Variants in DNAH11 observed in about 807,000 individuals in gnomAD.
DNAH11 encodes dynein axonemal heavy chain 11.
In DNAH11, 442 loss-of-function variants were observed where a neutral mutation model predicts 526.0. The ratio of observed to expected loss-of-function variants is 0.84; its 90% CI spans 0.78 to 0.91. DNAH11 has a LOEUF of 0.91. Ranked by LOEUF, DNAH11 falls within the 40% of genes least tolerant of loss-of-function variation. DNAH11 has a pLI of 0.00. For missense variants in DNAH11, 6,989 were observed against 5,448.7 expected (o/e 1.28, Z -8.90); for synonymous variants, 2,461 against 1,935.9 (o/e 1.27, Z -7.12).
intron 30 of DNAH11, among the ~76,000 whole-genome samples, chr7:21,678,490 G>A (rs1322522112): frequency 6.6e-6 from 1 of 151,968 alleles, no homozygotes; most frequent in Non-Finnish European, 1.5e-5. Flanking sequence ...GAGATGTGAT[G>A]CCTCCAGCTT....
At chr7:21,820,681 C>T (rs902883553) in intron 65 of DNAH11, among the ~76,000 whole-genome samples, 3 of 152,086 alleles carry the variant, frequency 2.0e-5, no homozygotes, top group Non-Finnish European at 4.4e-5. Context: ...TGGTTGATCC[C>T]TAGGTTGGCC....
At chr7:21,562,748 G>T (rs961642572) in intron 5 of DNAH11, among the ~76,000 whole-genome samples, 15 of 151,962 alleles carry the variant, frequency 9.9e-5, no homozygotes, top group Non-Finnish European at 2.1e-4. Context: ...CATAAACATT[G>T]ATAAAAATAG....
At chr7:21,545,310 A>G (rs972154283) in intron 2 of DNAH11, among the ~76,000 whole-genome samples, 161 bp downstream of exon 2, 13 of 140,914 alleles carry the variant, frequency 9.2e-5, no homozygotes, top group Non-Finnish European at 7.7e-5. Flanking sequence ...TGTAGAAGCC[A>G]GGAGTCTCTA....
At chr7:21,573,876 C>A (rs534573792) in intron 8 of DNAH11, among the ~76,000 whole-genome samples, 5 of 152,104 alleles carry the variant, frequency 3.3e-5, no homozygotes, top group Admixed American at 2.6e-4. Context: ...TAAATATGTT[C>A]CAGTAAATTA....
At chr7:21,620,448 G>T (rs1246027605) in intron 25 of DNAH11, among the ~76,000 whole-genome samples, 1 of 151,684 alleles carries the variant, frequency 6.6e-6, no homozygotes, top group Non-Finnish European at 1.5e-5. Context: ...AACTTTTTTA[G>T]ATTCCACGTG....
intron 62 of DNAH11, among the ~76,000 whole-genome samples, chr7:21,803,717 A>T (rs1789109633): frequency 6.6e-6 from 1 of 151,596 alleles, no homozygotes; most frequent in African/African-American, 2.4e-5. Flanking sequence ...TGGGGCTGTC[A>T]TCATTGAAGT....
Position 21,838,335 on chromosome 7 carries a change from G to A in DNAH11, c.10692-4209G>A, listed in dbSNP as rs143696904. On this transcript the variant is annotated intron_variant, in intron 65 of 81. Transcript: ENST00000409508. Reference sequence around the variant, plus strand: ...GACTGATAAAAGCCCAAATGTTAATGATTTGACCTCTGATAATTGTTCCCT... The same window carrying A: ...GACTGATAAAAGCCCAAATGTTAATAATTTGACCTCTGATAATTGTTCCCT... 8.0e-3 allele frequency among the ~76,000 whole-genome samples: 1,215 copies of A among 152,310 alleles called. 5 individuals are homozygous for A. The highest frequency in any genetic ancestry group is 0.015 in the African/African-American group (637 of 41,572).
chr7:21,543,644 A>G (rs1040125136), intron 1 of DNAH11, 48 bp downstream of exon 1: 45 of 1,535,102 alleles, frequency 2.9e-5, no homozygotes, highest in Non-Finnish European at 3.8e-5. Flanking sequence ...AAAACTACCC[A>G]GGGGAGACAG....
At chr7:21,813,338 G>C (rs1361661987) in intron 63 of DNAH11, among the ~76,000 whole-genome samples, 1 of 152,162 alleles carries the variant, frequency 6.6e-6, no homozygotes, top group African/African-American at 2.4e-5. Flanking sequence ...TTATTAATTA[G>C]TTATTACAAG....
rs886038462 is a variant in DNAH11 at position 21,601,378 on chromosome 7, T to G, written c.3426-18T>G. The G allele has an allele frequency of 1.6e-5, 25 of 1,597,018 alleles. No individual in the cohort carries two copies. Among genetic ancestry groups the G allele is most frequent in the Non-Finnish European group, 2.0e-5 (23 of 1,169,258 alleles). Reference sequence around the variant, plus strand: ...TAAACTTAATTTGTGTGTATCTATGTACATATATATTTAATAGTCTGAATG... The same window carrying G: ...TAAACTTAATTTGTGTGTATCTATGGACATATATATTTAATAGTCTGAATG... On this transcript the variant is annotated intron_variant, in intron 17 of 81. Transcript: ENST00000409508.
intron 54 of DNAH11, among the ~76,000 whole-genome samples, chr7:21,762,057 A>G (rs1457389148): frequency 6.6e-6 from 1 of 152,126 alleles, no homozygotes; most frequent in African/African-American, 2.4e-5. Context: ...GATGCTTATA[A>G]AACCATCATA....
At chr7:21,635,507 T>C (rs951314932) in intron 25 of DNAH11, among the ~76,000 whole-genome samples, 1 of 152,100 alleles carries the variant, frequency 6.6e-6, no homozygotes, top group African/African-American at 2.4e-5. Flanking sequence ...GCATGACTAA[T>C]AGGCAGGGAT....
rs1469719403 is a variant in DNAH11 at position 21,778,946 on chromosome 7, C to G, written c.9337-12C>G. 2 of 1,611,780 alleles carry G rather than the reference C, an allele frequency of 1.2e-6. No individual in the cohort carries two copies. Among genetic ancestry groups the G allele is most frequent in the Non-Finnish European group, 1.7e-6 (2 of 1,178,458 alleles). ...AAGGCCAGTGACGTAAGAATAATGA[C>G]TTTTGCTTTAGGTGGGAGATCTAAA... is the stretch of plus-strand genomic sequence containing the variant. On this transcript the variant is annotated splice_polypyrimidine_tract_variant and intron_variant, in intron 56 of 81. Coordinates refer to ENST00000409508, the MANE Select transcript of DNAH11 (RefSeq NM_001277115.2).
At chr7:21,715,465 G>A (rs1311229238) in intron 42 of DNAH11, among the ~76,000 whole-genome samples, 1 of 152,194 alleles carries the variant, frequency 6.6e-6, no homozygotes. Context: ...TTACAATGTA[G>A]CCATTTCCTG....
chr7:21,608,710 G>C (rs1419385524), intron 20 of DNAH11, among the ~76,000 whole-genome samples: 2 of 152,276 alleles, frequency 1.3e-5, no homozygotes, highest in East Asian at 3.9e-4. Flanking sequence ...AACAGATTGT[G>C]GATGGGGAAA....
chr7:21,772,837 T>C (rs17145347), intron 55 of DNAH11, among the ~76,000 whole-genome samples: 47,732 of 151,962 alleles, frequency 0.31, 8,687 homozygotes, highest in African/African-American at 0.51. Flanking sequence ...AAGAATTGGC[T>C]GGTCTCTCTT....
intron 9 of DNAH11, 95 bp downstream of exon 9, chr7:21,582,116 A>T (rs1051046953): frequency 1.4e-6 from 1 of 730,688 alleles, no homozygotes; most frequent in Admixed American, 2.3e-5. Flanking sequence ...TAGAGTATTC[A>T]CTAGGTTAAC....
chr7:21,605,657 G>A (rs562051453), intron 18 of DNAH11, among the ~76,000 whole-genome samples: 101 of 152,260 alleles, frequency 6.6e-4, no homozygotes, highest in African/African-American at 2.2e-3. Context: ...GAGAAAAGCC[G>A]AGGATGAGAT....
chr7:21,801,157 C>G lies in DNAH11; in HGVS notation c.10047C>G (p.Ser3349Arg), dbSNP rs1179403259. The G allele has an allele frequency of 6.2e-7, 1 of 1,610,282 alleles. No homozygotes were observed. The highest frequency in any genetic ancestry group is 1.1e-5 in the South Asian group (1 of 90,234). ...TTCAGGATCTGGATCGAAATCTGAG[C>G]AGACTCACGGCTTCATTTGAAAAAG... ...KKLVDLDRNL[S>R]RLTASFEKAT... The change falls in exon 62 of 82, where the codon AGC (serine) becomes AGG (arginine). Residue 3349 changes from serine (S) to arginine (R), a missense_variant. Ser to Arg is a moderately radical substitution (Grantham distance 110, BLOSUM62 -1). Coordinates refer to ENST00000409508, the MANE Select transcript of DNAH11 (RefSeq NM_001277115.2).
Sources: allele counts gnomAD v4.1 joint callset (sites outside exome capture counted in the v4.1 genomes callset), GRCh38; gene constraint gnomAD v4.1.1; transcripts MANE v1.5; gene names NCBI Gene and HGNC (gene_info 2026-07-23, HGNC 2026-07-21).